Variants in LRFN5 observed in about 807,000 individuals in gnomAD.
LRFN5 encodes the protein leucine rich repeat and fibronectin type III domain containing 5.
A neutral mutation model predicts 45.6 loss-of-function variants in LRFN5; 24 were observed. The ratio of observed to expected loss-of-function variants is 0.53; its 90% confidence interval spans 0.38 to 0.74. The LOEUF is 0.74. Among genes scored for constraint, LRFN5 ranks in the 30% least tolerant of loss-of-function variants. The pLI is 0.00. For missense variants in LRFN5, 776 were observed against 861.5 expected, an observed-to-expected ratio of 0.90 and a Z score of 1.24; for synonymous variants, 340 against 313.8, an observed-to-expected ratio of 1.08 and a Z score of -0.88.
intron 5 of LRFN5, among the ~76,000 whole-genome samples, chr14:41,902,718 C>G (rs1381955905): frequency 2.0e-5 from 3 of 151,734 alleles, no homozygotes; most frequent in African/African-American, 7.2e-5. Context: ...GTTATTTTGT[C>G]CACTGTCATT....
Position 41,778,020 on chromosome 14 carries a change from G to A in LRFN5, c.-21+10991G>A, listed in dbSNP as rs566671598. Among the ~76,000 whole-genome samples, 233 of 134,494 alleles carry A rather than the reference G, an allele frequency of 1.7e-3. 1 individual carries two copies. The highest frequency in any genetic ancestry group is 2.8e-3 in the Non-Finnish European group (175 of 62,546). 88.2% of individuals were successfully genotyped at this position (134,494 alleles called of 152,430 possible). On this transcript the variant is annotated intron_variant, in intron 2 of 5. Coordinates refer to ENST00000298119, the MANE Select transcript of LRFN5 (RefSeq NM_152447.5). Reference sequence around the variant, plus strand: ...GATCCTTTTTTTTTGGTGGGGGGGGGGGATTGAGAGGGGAAGATTATACTT... The same window carrying A: ...GATCCTTTTTTTTTGGTGGGGGGGGAGGATTGAGAGGGGAAGATTATACTT...
chr14:41,701,207 T>A (rs1882828164), intron 1 of LRFN5: 1 of 152,190 alleles, frequency 6.6e-6, no homozygotes. Flanking sequence ...GAATGTTATT[T>A]TATGAAGCAT....
chr14:41,641,630 G>T (rs1297877085), intron 1 of LRFN5, among the ~76,000 whole-genome samples: 1 of 151,978 alleles, frequency 6.6e-6, no homozygotes, highest in Non-Finnish European at 1.5e-5. Flanking sequence ...ATGCCAATTT[G>T]CTCTTTAAAT....
intron 1 of LRFN5, among the ~76,000 whole-genome samples, chr14:41,677,726 A>G (rs1881697949): frequency 1.3e-5 from 2 of 152,128 alleles, no homozygotes; most frequent in African/African-American, 4.8e-5. Flanking sequence ...ATCAATAAAG[A>G]AAATTGAATA....
chr14:41,818,284 G>A (rs1272208912), intron 2 of LRFN5, among the ~76,000 whole-genome samples: 1 of 151,268 alleles, frequency 6.6e-6, no homozygotes, highest in Admixed American at 6.6e-5. Context: ...GTAATTCATG[G>A]TACTATTTTT....
chr14:41,812,015 A>G (rs901366246), intron 2 of LRFN5, among the ~76,000 whole-genome samples: 15 of 152,126 alleles, frequency 9.9e-5, no homozygotes, highest in African/African-American at 3.6e-4. Context: ...TTATAGCATA[A>G]CATCTTTTAA....
chr14:41,615,442 TA>T (rs1323616885), intron 1 of LRFN5, among the ~76,000 whole-genome samples: 1 of 152,156 alleles, frequency 6.6e-6, no homozygotes, highest in Admixed American at 6.5e-5. Context: ...ATCTTGGCCC[TA>T]AACTGGTTTG....
intron 1 of LRFN5, among the ~76,000 whole-genome samples, chr14:41,708,718 C>CT (rs35500388): frequency 0.59 from 87,445 of 147,902 alleles, 27,198 homozygotes; most frequent in East Asian, 0.95. Context: ...TGCTGAATTC[C>CT]TTTTTTTTTT....
intron 1 of LRFN5, among the ~76,000 whole-genome samples, chr14:41,638,150 A>G (rs1879391366): frequency 6.6e-6 from 1 of 152,084 alleles, no homozygotes; most frequent in Non-Finnish European, 1.5e-5. Context: ...TTCTCTACTC[A>G]GCTCATAGAA....
At chr14:41,704,158 G>A (rs530284567) in intron 1 of LRFN5, among the ~76,000 whole-genome samples, 3 of 152,194 alleles carry the variant, frequency 2.0e-5, no homozygotes, top group South Asian at 4.1e-4. Context: ...ACTGCATTGC[G>A]CTTATTTGAA....
At chr14:41,641,497 A>G (rs950890204) in intron 1 of LRFN5, among the ~76,000 whole-genome samples, 5 of 152,240 alleles carry the variant, frequency 3.3e-5, no homozygotes, top group Admixed American at 1.3e-4. Flanking sequence ...ACACCATACT[A>G]TAGTAATAAA....
At chr14:41,686,143 G>A (rs913801693) in intron 1 of LRFN5, among the ~76,000 whole-genome samples, 4 of 151,894 alleles carry the variant, frequency 2.6e-5, no homozygotes, top group Non-Finnish European at 5.9e-5. Flanking sequence ...TTATTTCCTT[G>A]AGCAGGCGTT....
chr14:41,753,246 C>G (rs561460174), intron 1 of LRFN5, among the ~76,000 whole-genome samples: 4 of 150,536 alleles, frequency 2.7e-5, no homozygotes, highest in Non-Finnish European at 5.9e-5. Flanking sequence ...CTTGGCGATG[C>G]GGGCTCTTTT....
rs367934897 is a variant in LRFN5 at position 41,719,735 on chromosome 14, A to ATG, written c.-196-47109_-196-47108dup. Among the ~76,000 whole-genome samples, 25 of 150,646 alleles carry ATG rather than the reference A, an allele frequency of 1.7e-4. 1 individual carries two copies. The Middle Eastern group carries it at 0.014, about 83-fold the overall frequency. On this transcript the variant is annotated intron_variant, in intron 1 of 5. Transcript: ENST00000298119. Reference sequence around the variant, plus strand: ...TTGAGATGTGTGTGTATATATATGTATGTGTGTGTGTATATATATATATAT... The same window carrying ATG: ...TTGAGATGTGTGTGTATATATATGTATGTGTGTGTGTGTATATATATATATAT...
At chr14:41,654,891 A>G (rs899267953) in intron 1 of LRFN5, among the ~76,000 whole-genome samples, 1 of 152,076 alleles carries the variant, frequency 6.6e-6, no homozygotes, top group African/African-American at 2.4e-5. Flanking sequence ...GAACAGTAGT[A>G]TAGTTAGTGG....
intron 1 of LRFN5, among the ~76,000 whole-genome samples, chr14:41,681,452 G>T (rs1881877480): frequency 6.6e-6 from 1 of 152,148 alleles, no homozygotes; most frequent in South Asian, 2.1e-4. Context: ...TAGGCCAGGG[G>T]AGAGTGGCAT....
At chr14:41,669,957 TAAAG>T (rs1024177711) in intron 1 of LRFN5, among the ~76,000 whole-genome samples, 45 of 141,194 alleles carry the variant, frequency 3.2e-4, no homozygotes, top group Admixed American at 1.4e-4. Flanking sequence ...TTTGCTATAT[TAAAG>T]AAAAAAATAG....
intron 2 of LRFN5, among the ~76,000 whole-genome samples, chr14:41,864,184 C>T (rs1889764390): frequency 6.6e-6 from 1 of 152,126 alleles, no homozygotes; most frequent in South Asian, 2.1e-4. Context: ...TTGGGTATAA[C>T]CCAGTAATGG....
chr14:41,686,048 G>A (rs770232002), intron 1 of LRFN5, among the ~76,000 whole-genome samples: 7 of 152,034 alleles, frequency 4.6e-5, no homozygotes, highest in East Asian at 1.9e-4. Flanking sequence ...TCTATAAATC[G>A]CTTTGGGCAG....
Sources: gnomAD v4.1 joint callset for allele counts (sites outside exome capture counted in the v4.1 genomes callset) on GRCh38, gnomAD v4.1.1 for gene constraint, MANE v1.5 for transcripts, NCBI Gene and HGNC (gene_info 2026-07-23, HGNC 2026-07-21) for gene names.